TMEM217B: variants seen among roughly 807,000 people sequenced by gnomAD.
TMEM217B encodes the protein putative transmembrane protein 217B.
At chr6:37,227,724 C>T in the TMEM217B span, among the ~76,000 whole-genome samples, 3 of 152,058 alleles carry the variant, frequency 2.0e-5, no homozygotes, top group Non-Finnish European at 4.4e-5. Context: ...GCTGGGATTA[C>T]AGGTATGAGC....
the TMEM217B span, among the ~76,000 whole-genome samples, chr6:37,256,496 G>C: frequency 1.3e-5 from 2 of 152,092 alleles, no homozygotes; most frequent in African/African-American, 4.8e-5. Flanking sequence ...TTTTCTCTGG[G>C]TTAAATGCCC....
At chr6:37,220,948 T>C in the TMEM217B span, among the ~76,000 whole-genome samples, 1 of 152,088 alleles carries the variant, frequency 6.6e-6, no homozygotes, top group African/African-American at 2.4e-5. Context: ...CAGATATATA[T>C]AATATATATA....
the TMEM217B span, among the ~76,000 whole-genome samples, chr6:37,216,268 G>A: frequency 5.3e-5 from 8 of 151,952 alleles, no homozygotes; most frequent in Non-Finnish European, 7.4e-5. Flanking sequence ...TAGTAGAGAA[G>A]GGGTCTCACC....
At chr6:37,239,088 T>C in the TMEM217B span, among the ~76,000 whole-genome samples, 5 of 152,188 alleles carry the variant, frequency 3.3e-5, no homozygotes, top group Admixed American at 1.3e-4. Flanking sequence ...GCCGAGATCA[T>C]GCCACTGCAC....
the TMEM217B span, among the ~76,000 whole-genome samples, chr6:37,234,153 G>A: frequency 6.7e-6 from 1 of 149,590 alleles, no homozygotes; most frequent in African/African-American, 2.5e-5. Flanking sequence ...AGGATGGAGT[G>A]CAGTGGTGTG....
chr6:37,218,239 G>A, the TMEM217B span: 11 of 1,322,328 alleles, frequency 8.3e-6, no homozygotes, highest in African/African-American at 7.5e-5. Context: ...GCGCAATCTC[G>A]GCTCACTGCA....
chr6:37,218,822 A>G, the TMEM217B span: 1 of 1,614,206 alleles, frequency 6.2e-7, no homozygotes, highest in South Asian at 1.1e-5. Flanking sequence ...GAAAGACAGG[A>G]AGAGGACGAT....
the TMEM217B span, among the ~76,000 whole-genome samples, chr6:37,248,716 T>C: frequency 6.6e-6 from 1 of 152,152 alleles, no homozygotes; most frequent in African/African-American, 2.4e-5. Flanking sequence ...CTGGCAACAG[T>C]GGTTGCCTCT....
the TMEM217B span, among the ~76,000 whole-genome samples, chr6:37,231,349 C>T: frequency 2.0e-5 from 3 of 147,620 alleles, no homozygotes; most frequent in African/African-American, 5.0e-5. Flanking sequence ...GGATTACAGG[C>T]GTGAGTGATC....
chr6:37,251,369 GA>G, the TMEM217B span, among the ~76,000 whole-genome samples: 1 of 130,576 alleles, frequency 7.7e-6, no homozygotes, highest in Admixed American at 7.8e-5. Flanking sequence ...ACTATAATTT[GA>G]AAAAAACTGC....
the TMEM217B span, among the ~76,000 whole-genome samples, chr6:37,227,363 C>T: frequency 6.6e-6 from 1 of 152,190 alleles, no homozygotes; most frequent in Non-Finnish European, 1.5e-5. Flanking sequence ...CCTAGTTCTT[C>T]TCCTTCCTTC....
the TMEM217B span, among the ~76,000 whole-genome samples, chr6:37,222,459 C>G: frequency 6.6e-6 from 1 of 152,186 alleles, no homozygotes; most frequent in Non-Finnish European, 1.5e-5. Context: ...CTGGGGTCCC[C>G]GAGGGTGCAG....
chr6:37,212,919 A>G, the TMEM217B span: 2 of 1,549,718 alleles, frequency 1.3e-6, no homozygotes, highest in African/African-American at 1.4e-5. Flanking sequence ...ACTGGGTGGT[A>G]TTAAGGACAG....
chr6:37,215,570 C>CAAAAAAAAAAAAAA, the TMEM217B span, among the ~76,000 whole-genome samples: 218 of 72,364 alleles, frequency 3.0e-3, 2 homozygotes, highest in Middle Eastern at 0.014. Context: ...GACTCTGTCT[C>CAAAAAAAAAAAAAA]AAAAAAAAAA....
chr6:37,252,303 C>T, the TMEM217B span, among the ~76,000 whole-genome samples: 3 of 152,118 alleles, frequency 2.0e-5, no homozygotes, highest in Non-Finnish European at 2.9e-5. Context: ...TATTATTACA[C>T]AGCCCCGAGA....
the TMEM217B span, among the ~76,000 whole-genome samples, chr6:37,252,859 C>T: frequency 6.6e-6 from 1 of 151,586 alleles, no homozygotes; most frequent in South Asian, 2.1e-4. Context: ...AGGCTGGTCT[C>T]GAACTCCTGA....
the TMEM217B span, among the ~76,000 whole-genome samples, chr6:37,250,828 G>A: frequency 6.6e-6 from 1 of 152,208 alleles, no homozygotes. Context: ...TTTCATTAAA[G>A]GTCCCAACCT....
At chr6:37,246,332 A>G in the TMEM217B span, among the ~76,000 whole-genome samples, 1 of 152,158 alleles carries the variant, frequency 6.6e-6, no homozygotes, top group East Asian at 1.9e-4. Flanking sequence ...GTCTGCTCCC[A>G]CATGTCTGTT....
At chr6:37,254,573 C>G in the TMEM217B span, among the ~76,000 whole-genome samples, 3 of 152,254 alleles carry the variant, frequency 2.0e-5, no homozygotes, top group Non-Finnish European at 4.4e-5. Flanking sequence ...AAAGTGGACA[C>G]ATCCTACTAG....
Sources: allele counts gnomAD v4.1 joint callset (sites outside exome capture counted in the v4.1 genomes callset), GRCh38; gene constraint gnomAD v4.1.1; transcripts MANE v1.5; gene names NCBI Gene and HGNC (gene_info 2026-07-23, HGNC 2026-07-21).